The following SLC6A3 variants were observed in gnomAD, a reference collection of about 807,000 sequenced individuals.
The protein encoded by SLC6A3 is sodium-dependent dopamine transporter.
In SLC6A3, 19 loss-of-function variants were observed where a neutral mutation model predicts 70.4. The ratio of observed to expected loss-of-function variants is 0.27; its 90% CI spans 0.19 to 0.40. SLC6A3 has a LOEUF of 0.40. Among genes scored for constraint, SLC6A3 ranks in the 10% least tolerant of loss-of-function variants. SLC6A3 has a pLI of 1.00. For missense variants in SLC6A3, 613 were observed against 838.5 expected, an observed-to-expected ratio of 0.73 and a Z score of 3.32; for synonymous variants, 368 against 356.6, an observed-to-expected ratio of 1.03 and a Z score of -0.36.
Position 1,405,002 on chromosome 5 carries a change from G to A in SLC6A3, c.1599+1186C>T, listed in dbSNP as rs375171533. On this transcript the variant is annotated intron_variant, in intron 12 of 14. Transcript: ENST00000270349. The surrounding 1 kb of genome is among the most constrained non-coding windows in gnomAD (Gnocchi z 5.3). ...GTTTCAACTAATGGCGGGGGAGAGC[G>A]GGAGGTGGGCAGGAGGCTGACTTTC... is the stretch of plus-strand genomic sequence containing the variant. Among the ~76,000 whole-genome samples, 6 of 152,336 alleles carry A rather than the reference G, an allele frequency of 3.9e-5. No homozygotes were observed. In the East Asian group the frequency reaches 9.6e-4, roughly 24 times the overall value.
Position 1,413,795 on chromosome 5 carries a change from C to T in SLC6A3, c.1156+896G>A, listed in dbSNP as rs1756183384. On this transcript the variant is annotated intron_variant, in intron 8 of 14. Coordinates refer to ENST00000270349, the MANE Select transcript of SLC6A3 (RefSeq NM_001044.5). This position sits in a 1 kb window ranked among gnomAD's most constrained non-coding sequence, Gnocchi z 7.1. ...GGACTCCCTGGAGCTCTCGGTTGGC[C>T]CAAGTTAGGGCTGCCAACGCCACAG... 6.6e-6 allele frequency among the ~76,000 whole-genome samples: 1 copy of T among 152,124 alleles called. No individual in the cohort carries two copies. The highest frequency in any genetic ancestry group is 1.5e-5 in the Non-Finnish European group (1 of 67,994).
At chr5:1,395,436 G>A (rs562353017) in intron 14 of SLC6A3, among the ~76,000 whole-genome samples, 1 of 152,338 alleles carries the variant, frequency 6.6e-6, no homozygotes, top group African/African-American at 2.4e-5. Flanking sequence ...GGGGCATGCG[G>A]GGCTTGCTTC....
In SLC6A3 at chr5:1,394,813, C is replaced by T; in HGVS notation, c.1840-55G>A. ...CCTGGGGCGATGCCCCATTTAAGAG[C>T]AGCTGAAGGTGGCTAAGAGCAGCTG... is the stretch of plus-strand genomic sequence containing the variant. On this transcript the variant is annotated intron_variant, in intron 14 of 14. Coordinates refer to ENST00000270349, the MANE Select transcript of SLC6A3 (RefSeq NM_001044.5). This position sits in a 1 kb window ranked among gnomAD's most constrained non-coding sequence, Gnocchi z 4.7. The T allele has an allele frequency of 6.2e-7, 1 of 1,601,888 alleles. No homozygotes were observed. Among genetic ancestry groups the T allele is most frequent in the East Asian group, 2.2e-5 (1 of 44,814 alleles).
rs557029364 is a variant in SLC6A3, at chr5:1,394,525, A to T, written c.*210T>A. Reference sequence around the variant, plus strand: ...CGCTGCACAGATCTACGTCGTTATTACAGCAACACAAGACACGGCGAGGTG... The same window carrying T: ...CGCTGCACAGATCTACGTCGTTATTTCAGCAACACAAGACACGGCGAGGTG... On this transcript the variant is annotated 3_prime_UTR_variant, in exon 15 of 15. Coordinates refer to ENST00000270349, the MANE Select transcript of SLC6A3 (RefSeq NM_001044.5). The surrounding 1 kb of genome is among the most constrained non-coding windows in gnomAD (Gnocchi z 4.7). 14 of 667,850 alleles carry T rather than the reference A, an allele frequency of 2.1e-5. No homozygotes were observed. In the South Asian group the frequency reaches 2.3e-4, roughly 11 times the overall value. 41.4% of individuals were successfully genotyped at this position (667,850 alleles called of 1,614,324 possible).
chr5:1,399,345 A>G (rs1345073924), intron 14 of SLC6A3, among the ~76,000 whole-genome samples: 2 of 152,260 alleles, frequency 1.3e-5, no homozygotes, highest in African/African-American at 4.8e-5. Flanking sequence ...AGGGAAATTC[A>G]TAGCCTTGAG....
In SLC6A3 at chr5:1,413,030, G is replaced by A. The variant is rs1383097183; in HGVS notation, c.1156+1661C>T. ...TGTCAACACCCGTGCCTTCGTTTCT[G>A]TACCTAAGTTAACATTTCACCCTAT... On this transcript the variant is annotated intron_variant, in intron 8 of 14. Coordinates refer to ENST00000270349, the MANE Select transcript of SLC6A3 (RefSeq NM_001044.5). This position sits in a 1 kb window ranked among gnomAD's most constrained non-coding sequence, Gnocchi z 7.1. Among the ~76,000 whole-genome samples, 1 of 152,218 alleles carries A rather than the reference G, an allele frequency of 6.6e-6. No individual in the cohort carries two copies. The highest frequency in any genetic ancestry group is 1.5e-5 in the Non-Finnish European group (1 of 68,040).
In SLC6A3 at chr5:1,432,644, A is replaced by G; in HGVS notation, c.473T>C (p.Val158Ala). Residue 158 changes from valine to alanine, a missense_variant, in exon 4 of 15, where the codon GTC (valine) becomes GCC (alanine). Val to Ala is a moderately conservative substitution (Grantham distance 64, BLOSUM62 0). Around this residue, in one of 4 missense-constraint regions of SLC6A3, gnomAD observed 153 missense variants for 249.4 expected, o/e 0.61. Coordinates refer to ENST00000270349, the MANE Select transcript of SLC6A3 (RefSeq NM_001044.5). Reference sequence around the variant, plus strand: ...ATAGTGCAGCGCCCAGGCGATGATGACGTTGTAGAAGAAGCCGACATACAG... The same window carrying G: ...ATAGTGCAGCGCCCAGGCGATGATGGCGTTGTAGAAGAAGCCGACATACAG... ...ISLYVGFFYN[V>A]IIAWALHYLF... is the part of the protein sequence containing the mutation. 1 of 1,614,130 alleles carries G rather than the reference A, an allele frequency of 6.2e-7. No homozygotes were observed.
chr5:1,411,222 CG>C lies in SLC6A3; in HGVS notation c.1269+20del, dbSNP rs775075843. 3 of 1,504,896 alleles carry C rather than the reference CG, an allele frequency of 2.0e-6. No homozygotes were observed. The South Asian group carries it at 3.6e-5, about 18-fold the overall frequency. 93.2% of individuals were successfully genotyped at this position (1,504,896 alleles called of 1,614,324 possible). A position where few individuals can be genotyped will look rare whatever the true frequency, so the allele number is the denominator to read the frequency against. On this transcript the variant is annotated intron_variant, in intron 9 of 14. Coordinates refer to ENST00000270349, the MANE Select transcript of SLC6A3 (RefSeq NM_001044.5). The surrounding 1 kb of genome is among the most constrained non-coding windows in gnomAD (Gnocchi z 6.5). ...GGAACCCAACTGCCGAGGACAGGGCCGGGCGGTGCGGGTTACTCACGGCGCT... is the reference window on the plus strand; with the variant it reads ...GGAACCCAACTGCCGAGGACAGGGCCGGCGGTGCGGGTTACTCACGGCGCT...
Position 1,402,781 on chromosome 5 carries a change from C to T in SLC6A3, c.1767+141G>A. 1.2e-6 allele frequency: 1 copy of T among 835,250 alleles called. No homozygotes were observed. Among genetic ancestry groups the T allele is most frequent in the Non-Finnish European group, 2.0e-6 (1 of 501,912 alleles). The allele number at this position is 835,250 out of a possible 1,614,324, so 51.7% of individuals were successfully genotyped here. On this transcript the variant is annotated intron_variant, in intron 13 of 14. Transcript: ENST00000270349. The surrounding 1 kb of genome is among the most constrained non-coding windows in gnomAD (Gnocchi z 8.5). ...GTGGACACACACACGCACACACACA[C>T]ACAGTGTTGTGGTGGCCACCTCCAG... is the stretch of plus-strand genomic sequence containing the variant.
Position 1,436,646 on chromosome 5 carries a change from A to G in SLC6A3, c.419-3948T>C, listed in dbSNP as rs992271576. On this transcript the variant is annotated intron_variant, in intron 3 of 14. Coordinates refer to ENST00000270349, the MANE Select transcript of SLC6A3 (RefSeq NM_001044.5). The surrounding 1 kb of genome is among the most constrained non-coding windows in gnomAD (Gnocchi z 5.2). ...ATCACACTAAAATATGACTGACTAT[A>G]AAATATTTTATATTCAATACAATCG... Among the ~76,000 whole-genome samples the G allele has an allele frequency of 5.9e-5, 9 of 152,322 alleles. No homozygotes were observed. The highest frequency in any genetic ancestry group is 1.7e-4 in the African/African-American group (7 of 41,558).
In SLC6A3 at chr5:1,396,934, T is replaced by A. The variant is rs1244419292; in HGVS notation, c.1840-2176A>T. On this transcript the variant is annotated intron_variant, in intron 14 of 14. Transcript: ENST00000270349. The surrounding 1 kb of genome is among the most constrained non-coding windows in gnomAD (Gnocchi z 7.0). ...GATCAAGCTAGACGCAGATACAGAA[T>A]GGGTGAGGGGCAGGCAGTTTCCACA... is the stretch of plus-strand genomic sequence containing the variant. Among the ~76,000 whole-genome samples, 1 of 152,138 alleles carries A rather than the reference T, an allele frequency of 6.6e-6. No homozygotes were observed. The highest frequency in any genetic ancestry group is 1.9e-4 in the East Asian group (1 of 5,188).
At chr5:1,435,327 A>C (rs1756803402) in intron 3 of SLC6A3, among the ~76,000 whole-genome samples, 1 of 152,244 alleles carries the variant, frequency 6.6e-6, no homozygotes. Context: ...CTGACAATGG[A>C]TGCCCAATTT....
At chr5:1,420,244 T>C (rs113010287) in intron 6 of SLC6A3, among the ~76,000 whole-genome samples, 3 of 152,148 alleles carry the variant, frequency 2.0e-5, no homozygotes, top group African/African-American at 4.8e-5. Context: ...TGCAGCCCTT[T>C]CTCCTCCCTT....
rs1487140153 is a variant in SLC6A3, at chr5:1,397,422, C to A, written c.1840-2664G>T. ...CTCCAGCCTGGGCTACAGAGCGAGA[C>A]TCCGTCTCAAAACAAACAAACAAAC... On this transcript the variant is annotated intron_variant, in intron 14 of 14. Transcript: ENST00000270349. This position sits in a 1 kb window ranked among gnomAD's most constrained non-coding sequence, Gnocchi z 4.7. 1.3e-5 allele frequency among the ~76,000 whole-genome samples: 2 copies of A among 151,916 alleles called. No homozygotes were observed. Among genetic ancestry groups the A allele is most frequent in the Non-Finnish European group, 2.9e-5 (2 of 68,026 alleles).
rs775650959 is a variant in SLC6A3 at position 1,441,414 on chromosome 5, G to A, written c.363C>T (p.Gly121=). ...CAGCGGCCCCTTCCCTGTTGAACTG[G>A]CCGAGGGCCAGCTCCATGTAGAAAA... is the stretch of plus-strand genomic sequence containing the variant. ...MPLFYMELAL[G]QFNREGAAGV... Residue 121 remains glycine, a synonymous_variant, in exon 3 of 15, where the codon GGC becomes GGT. Coordinates refer to ENST00000270349, the MANE Select transcript of SLC6A3 (RefSeq NM_001044.5). 6 of 1,614,112 alleles carry A rather than the reference G, an allele frequency of 3.7e-6. No homozygotes were observed. The highest frequency in any genetic ancestry group is 3.3e-5 in the Admixed American group (2 of 60,008).
At position 1,421,713 on chromosome 5, in the gene SLC6A3, C is replaced by T. The variant is rs1205604421; in HGVS notation, c.792+163G>A. ...ACCTGATTATGGCCATATGAGTCTC[C>T]CAAACTCAACCATGGCCATGTGTCC... is the stretch of plus-strand genomic sequence containing the variant. On this transcript the variant is annotated intron_variant, in intron 5 of 14. Transcript: ENST00000270349. The surrounding 1 kb of genome is among the most constrained non-coding windows in gnomAD (Gnocchi z 7.2). Among the ~76,000 whole-genome samples the T allele has an allele frequency of 1.3e-5, 2 of 152,080 alleles. No individual in the cohort carries two copies. The highest frequency in any genetic ancestry group is 2.9e-5 in the Non-Finnish European group (2 of 68,010).
At chr5:1,425,056 C>A (rs1380306519) in intron 4 of SLC6A3, among the ~76,000 whole-genome samples, 1 of 152,218 alleles carries the variant, frequency 6.6e-6, no homozygotes. Context: ...TTTCATAAGC[C>A]ATAATAGTTG....
chr5:1,426,203 C>G (rs1756572354), intron 4 of SLC6A3, among the ~76,000 whole-genome samples: 1 of 151,834 alleles, frequency 6.6e-6, no homozygotes, highest in Non-Finnish European at 1.5e-5. Flanking sequence ...CATGTTTTTA[C>G]AGTAGCCAAA....
chr5:1,413,300 G>A lies in SLC6A3; in HGVS notation c.1156+1391C>T, dbSNP rs1756170352. The stretch of plus-strand genomic sequence containing the variant: ...ACTGAATTTTTTTTCCTAGTGGAAA[G>A]AACATGGGCTTAGGAGGCCCACCTC... On this transcript the variant is annotated intron_variant, in intron 8 of 14. Coordinates refer to ENST00000270349, the MANE Select transcript of SLC6A3 (RefSeq NM_001044.5). The surrounding 1 kb of genome is among the most constrained non-coding windows in gnomAD (Gnocchi z 7.1). Among the ~76,000 whole-genome samples, 1 of 152,172 alleles carries A rather than the reference G, an allele frequency of 6.6e-6. No homozygotes were observed. Among genetic ancestry groups the A allele is most frequent in the South Asian group, 2.1e-4 (1 of 4,828 alleles).
Sources: gnomAD v4.1 joint callset for allele counts (sites outside exome capture counted in the v4.1 genomes callset) on GRCh38, gnomAD v4.1.1 for gene constraint, gnomAD v4.1.1 regional missense constraint, Gnocchi (gnomAD v3.1) non-coding constraint, MANE v1.5 for transcripts, NCBI Gene and HGNC (gene_info 2026-07-23, HGNC 2026-07-21) for gene names.